The following WWTR1 variants were observed in gnomAD, a reference collection of about 807,000 sequenced individuals.
The protein encoded by WWTR1 is WW domain-containing transcription regulator protein 1.
In WWTR1, 13 loss-of-function variants were observed where a neutral mutation model predicts 40.1. That is an observed-to-expected ratio of 0.32 (90% confidence interval 0.21 to 0.52). The LOEUF is 0.52. Ranked by LOEUF, WWTR1 falls within the 20% of genes least tolerant of loss-of-function variation. The probability of loss-of-function intolerance (pLI) is 0.97; values close to 1 mark genes in which losing one functional copy is unlikely to be tolerated. For synonymous variants in WWTR1, 230 were observed against 210.1 expected (o/e 1.09, Z -0.82); for missense variants, 436 against 523.1 (o/e 0.83, Z 1.63).
chr3:149,521,583 A>G (rs1735047971), intron 6 of WWTR1, among the ~76,000 whole-genome samples: 1 of 152,212 alleles, frequency 6.6e-6, no homozygotes, highest in Non-Finnish European at 1.5e-5. Context: ...TCTTAGAGTA[A>G]AGAAATCTTT....
At chr3:149,574,823 G>A (rs372102881) in intron 2 of WWTR1, among the ~76,000 whole-genome samples, 3 of 151,758 alleles carry the variant, frequency 2.0e-5, no homozygotes, top group South Asian at 2.1e-4. Context: ...GGCCGGGGGC[G>A]GTGGCTCACG....
At chr3:149,677,617 G>T (rs1714311332) in intron 1 of WWTR1, among the ~76,000 whole-genome samples, 1 of 152,134 alleles carries the variant, frequency 6.6e-6, no homozygotes, top group African/African-American at 2.4e-5. Context: ...GAGACGGGTG[G>T]ATCAACTGAG....
chr3:149,549,716 G>C (rs374052913), intron 3 of WWTR1, among the ~76,000 whole-genome samples: 3 of 152,092 alleles, frequency 2.0e-5, no homozygotes, highest in Non-Finnish European at 2.9e-5. Context: ...GCATGCATTC[G>C]TGGTCCCAGC....
intron 2 of WWTR1, among the ~76,000 whole-genome samples, chr3:149,639,936 G>C (rs1261038246): frequency 1.4e-5 from 2 of 147,146 alleles, no homozygotes; most frequent in African/African-American, 5.0e-5. Flanking sequence ...GGAGCTTGCA[G>C]TGAGCCGAGA....
intron 5 of WWTR1, 61 bp from the exon 6 acceptor site, chr3:149,526,186 A>G: frequency 7.5e-7 from 1 of 1,328,002 alleles, no homozygotes; most frequent in Non-Finnish European, 1.0e-6. Flanking sequence ...TCAAAATTAA[A>G]ACACAGTCAC....
At chr3:149,627,668 C>T (rs1020791786) in intron 2 of WWTR1, among the ~76,000 whole-genome samples, 5 of 152,196 alleles carry the variant, frequency 3.3e-5, no homozygotes, top group Admixed American at 3.3e-4. Context: ...CGGGGTTCAC[C>T]TCCAAAACTC....
At chr3:149,625,951 C>T (rs772738359) in intron 2 of WWTR1, among the ~76,000 whole-genome samples, 2 of 152,102 alleles carry the variant, frequency 1.3e-5, no homozygotes, top group Non-Finnish European at 2.9e-5. Flanking sequence ...AAGTACCTAC[C>T]AAGTCCCTCC....
intron 2 of WWTR1, among the ~76,000 whole-genome samples, chr3:149,607,541 C>T (rs897585983): frequency 3.1e-4 from 47 of 152,170 alleles, no homozygotes; most frequent in African/African-American, 9.2e-4. Flanking sequence ...GTCTCGATCT[C>T]CTCACCTCGT....
At chr3:149,598,017 C>T (rs1206171699) in intron 2 of WWTR1, among the ~76,000 whole-genome samples, 2 of 152,026 alleles carry the variant, frequency 1.3e-5, no homozygotes, top group Non-Finnish European at 2.9e-5. Flanking sequence ...CATCTGTACT[C>T]AAGTGCATGC....
At chr3:149,594,764 G>T (rs138368524) in intron 2 of WWTR1, among the ~76,000 whole-genome samples, 1 of 151,456 alleles carries the variant, frequency 6.6e-6, no homozygotes, top group East Asian at 1.9e-4. Context: ...AGCTACAAAA[G>T]ACATTTTTGG....
chr3:149,664,003 C>A (rs374612943), intron 2 of WWTR1, among the ~76,000 whole-genome samples: 1 of 152,238 alleles, frequency 6.6e-6, no homozygotes, highest in South Asian at 2.1e-4. Context: ...GATTTTGCCC[C>A]TGCTATTCAT....
chr3:149,628,264 G>A (rs1032599658), intron 2 of WWTR1, among the ~76,000 whole-genome samples: 2 of 152,166 alleles, frequency 1.3e-5, no homozygotes, highest in Non-Finnish European at 2.9e-5. Flanking sequence ...CAGCTACTCG[G>A]GAGGCTGAGG....
chr3:149,615,951 G>C (rs1560086539), intron 2 of WWTR1, among the ~76,000 whole-genome samples: 1 of 152,046 alleles, frequency 6.6e-6, no homozygotes, highest in African/African-American at 2.4e-5. Context: ...GTTTATCCAA[G>C]ATAACAAAAC....
At chr3:149,612,864 T>C (rs1482912917) in intron 2 of WWTR1, among the ~76,000 whole-genome samples, 1 of 152,210 alleles carries the variant, frequency 6.6e-6, no homozygotes, top group East Asian at 1.9e-4. Context: ...CCACCTACAC[T>C]GATACCTCAA....
intron 1 of WWTR1, chr3:149,702,485 A>G (rs560380324): frequency 1.3e-5 from 2 of 150,570 alleles, no homozygotes; most frequent in African/African-American, 4.8e-5. Context: ...TATTATTATT[A>G]TTATTATTTT....
intron 2 of WWTR1, among the ~76,000 whole-genome samples, chr3:149,578,963 A>T (rs2108009078): frequency 6.6e-6 from 1 of 152,312 alleles, no homozygotes; most frequent in East Asian, 1.9e-4. Context: ...GAATTTACCC[A>T]CACTAACTTT....
chr3:149,622,913 G>A lies in WWTR1; in HGVS notation c.431+33963C>T, dbSNP rs192067123. Among the ~76,000 whole-genome samples the A allele has an allele frequency of 5.9e-4, 89 of 150,774 alleles. 1 individual carries two copies. The highest frequency in any genetic ancestry group is 3.4e-3 in the Middle Eastern group (1 of 294). ...TCAAAATAATAATAATAATGTGCTC[G>A]ATTCAGTAACCCACTAAAGTGGGTC... On this transcript the variant is annotated intron_variant, in intron 2 of 6. Coordinates refer to ENST00000360632, the MANE Select transcript of WWTR1 (RefSeq NM_015472.6).
At chr3:149,723,390 G>T (rs1012349923) in intron 4 of WWTR1, among the ~76,000 whole-genome samples, 6 of 151,868 alleles carry the variant, frequency 4.0e-5, no homozygotes, top group African/African-American at 1.5e-4. Context: ...GTTTCTCCGT[G>T]TTGGTCAGGC....
intron 2 of WWTR1, among the ~76,000 whole-genome samples, chr3:149,602,916 TC>T (rs1408562606): frequency 6.6e-6 from 1 of 151,944 alleles, no homozygotes; most frequent in African/African-American, 2.4e-5. Context: ...TGCCTGGGCC[TC>T]CCAAAGTGCT....
Sources: allele counts gnomAD v4.1 joint callset (sites outside exome capture counted in the v4.1 genomes callset), GRCh38; gene constraint gnomAD v4.1.1; transcripts MANE v1.5; gene names NCBI Gene and HGNC (gene_info 2026-07-23, HGNC 2026-07-21).